Variants in THSD4 observed in about 807,000 individuals in gnomAD.
THSD4 encodes thrombospondin type-1 domain-containing protein 4.
Under a neutral mutation model 119.0 loss-of-function variants are expected in THSD4, and 69 were observed. The observed-to-expected ratio is 0.58, with a 90% CI of 0.48 to 0.71. THSD4 has a LOEUF of 0.71. Ranked by LOEUF, THSD4 falls within the 30% of genes least tolerant of loss-of-function variation. The probability of loss-of-function intolerance (pLI) is 0.00; values close to 1 mark genes in which losing one functional copy is unlikely to be tolerated. For missense variants in THSD4, 1,393 were observed against 1,391.1 expected, an observed-to-expected ratio of 1.00 and a Z score of -0.02; for synonymous variants, 524 against 540.4, an observed-to-expected ratio of 0.97 and a Z score of 0.42.
At chr15:71,247,960 A>C (rs1312466543) in intron 5 of THSD4, among the ~76,000 whole-genome samples, 1 of 152,218 alleles carries the variant, frequency 6.6e-6, no homozygotes, top group African/African-American at 2.4e-5. Context: ...GCAGTTGAAA[A>C]AGAACAACAA....
In THSD4 at chr15:71,239,880, G is replaced by A. The variant is rs1477426666; in HGVS notation, c.465-2769G>A. Reference sequence around the variant, plus strand: ...CTGACCAGCTGTAAGGAAAACAAACGTTCTCCTGGCCAAGCCAGAATGAAT... The same window carrying A: ...CTGACCAGCTGTAAGGAAAACAAACATTCTCCTGGCCAAGCCAGAATGAAT... On this transcript the variant is annotated intron_variant, in intron 4 of 17. Coordinates refer to ENST00000261862, the MANE Select transcript of THSD4 (RefSeq NM_024817.3). 5.3e-5 allele frequency among the ~76,000 whole-genome samples: 8 copies of A among 152,214 alleles called. No homozygotes were observed. The South Asian group carries it at 8.3e-4, about 16-fold the overall frequency.
At chr15:71,355,225 A>G (rs1044733043) in intron 6 of THSD4, among the ~76,000 whole-genome samples, 2 of 152,342 alleles carry the variant, frequency 1.3e-5, no homozygotes, top group South Asian at 2.1e-4. Flanking sequence ...ACCACATGCA[A>G]TAAAAGACTG....
In THSD4 at chr15:71,299,655, CAT is replaced by C. The variant is rs1358946122; in HGVS notation, c.1015+42945_1015+42946del. Among the ~76,000 whole-genome samples the C allele has an allele frequency of 3.3e-5, 5 of 152,156 alleles. No homozygotes were observed. In the East Asian group the frequency reaches 7.7e-4, roughly 23 times the overall value. On this transcript the variant is annotated intron_variant, in intron 6 of 17. Transcript: ENST00000261862. Reference sequence around the variant, plus strand: ...ACAGCATCATGACTACAGTTAATAACATATATTTCAAAATTACTAAAAGAGTA... The same window carrying C: ...ACAGCATCATGACTACAGTTAATAACATATTTCAAAATTACTAAAAGAGTA...
At chr15:71,430,698 A>T (rs2140531848) in intron 7 of THSD4, among the ~76,000 whole-genome samples, 1 of 136,384 alleles carries the variant, frequency 7.3e-6, no homozygotes, top group East Asian at 2.4e-4. Flanking sequence ...TGGAGGTTGC[A>T]GTGAGCCGAG....
intron 6 of THSD4, among the ~76,000 whole-genome samples, chr15:71,345,724 T>C (rs2045647913): frequency 1.3e-5 from 2 of 152,218 alleles, no homozygotes; most frequent in African/African-American, 4.8e-5. Context: ...AGAACATCTT[T>C]CTAAGATGCC....
chr15:71,415,688 T>C (rs1446197346), intron 7 of THSD4, among the ~76,000 whole-genome samples: 1 of 152,184 alleles, frequency 6.6e-6, no homozygotes, highest in African/African-American at 2.4e-5. Flanking sequence ...AACCCCCAAC[T>C]ACCCTTCCCA....
At chr15:71,426,750 CT>C (rs781274713) in intron 7 of THSD4, among the ~76,000 whole-genome samples, 39 of 152,224 alleles carry the variant, frequency 2.6e-4, no homozygotes, top group East Asian at 1.9e-3. Context: ...AAAGTACTTT[CT>C]GCTTGTGACT....
At chr15:71,163,730 G>A (rs1385566281) in intron 3 of THSD4, among the ~76,000 whole-genome samples, 4 of 150,512 alleles carry the variant, frequency 2.7e-5, no homozygotes, top group Non-Finnish European at 4.4e-5. Context: ...GGAAAGTCTC[G>A]TTTCCTGAGC....
chr15:71,700,374 CAATA>C (rs1567108169), intron 8 of THSD4, among the ~76,000 whole-genome samples: 1 of 151,928 alleles, frequency 6.6e-6, no homozygotes, highest in Non-Finnish European at 1.5e-5. Context: ...ATAAATGAAA[CAATA>C]AATGTACAAG....
intron 8 of THSD4, among the ~76,000 whole-genome samples, chr15:71,697,820 A>G (rs1214254349): frequency 6.6e-6 from 1 of 152,218 alleles, no homozygotes; most frequent in Non-Finnish European, 1.5e-5. Flanking sequence ...TCCAGTTACA[A>G]AATATAAATT....
intron 1 of THSD4, among the ~76,000 whole-genome samples, chr15:71,122,228 A>G (rs1368499094): frequency 6.6e-6 from 1 of 152,128 alleles, no homozygotes; most frequent in African/African-American, 2.4e-5. Context: ...CGTGTCAGGT[A>G]CTGGGATTTA....
chr15:71,565,187 A>C (rs2049210270), intron 7 of THSD4, among the ~76,000 whole-genome samples: 1 of 152,238 alleles, frequency 6.6e-6, no homozygotes. Context: ...GACCCAGTGG[A>C]GATAAATGTG....
intron 3 of THSD4, among the ~76,000 whole-genome samples, chr15:71,192,884 G>A (rs1430585380): frequency 6.6e-6 from 1 of 152,146 alleles, no homozygotes; most frequent in Non-Finnish European, 1.5e-5. Context: ...CCTCTGCACA[G>A]CTGTAATCTC....
intron 7 of THSD4, among the ~76,000 whole-genome samples, chr15:71,530,118 T>C (rs1052839647): frequency 2.0e-5 from 3 of 151,844 alleles, no homozygotes; most frequent in Admixed American, 6.6e-5. Flanking sequence ...CTTCTAATCC[T>C]TTTTATTGGG....
chr15:71,359,957 C>T (rs570302517), intron 6 of THSD4, among the ~76,000 whole-genome samples: 1 of 152,312 alleles, frequency 6.6e-6, no homozygotes, highest in South Asian at 2.1e-4. Flanking sequence ...CTGTCTATTG[C>T]TGTATAACAG....
chr15:71,189,925 C>G (rs562202475), intron 3 of THSD4, among the ~76,000 whole-genome samples: 2 of 152,146 alleles, frequency 1.3e-5, no homozygotes, highest in Non-Finnish European at 2.9e-5. Flanking sequence ...AGAACTGCTG[C>G]GGGAGAGGCT....
At chr15:71,619,481 T>G (rs1243398257) in intron 7 of THSD4, among the ~76,000 whole-genome samples, 1 of 152,154 alleles carries the variant, frequency 6.6e-6, no homozygotes, top group Non-Finnish European at 1.5e-5. Flanking sequence ...GAGAGTTACG[T>G]TTGAGCAAAT....
intron 6 of THSD4, among the ~76,000 whole-genome samples, chr15:71,330,598 A>G (rs1386684051): frequency 1.3e-5 from 2 of 152,178 alleles, no homozygotes; most frequent in Non-Finnish European, 2.9e-5. Context: ...TGAGGATTAG[A>G]TGACATAAGG....
In THSD4 at chr15:71,325,937, G is replaced by A. The variant is rs552886401; in HGVS notation, c.1015+69222G>A. ...GGAACTTTTTTTTCCTCACCCCTGA[G>A]TAATTCTAATAATATGCATGTAAAA... On this transcript the variant is annotated intron_variant, in intron 6 of 17. Coordinates refer to ENST00000261862, the MANE Select transcript of THSD4 (RefSeq NM_024817.3). 2.0e-5 allele frequency among the ~76,000 whole-genome samples: 3 copies of A among 152,276 alleles called. No homozygotes were observed. The South Asian group carries it at 6.2e-4, about 32-fold the overall frequency.
Sources: gnomAD v4.1 joint callset for allele counts (sites outside exome capture counted in the v4.1 genomes callset) on GRCh38, gnomAD v4.1.1 for gene constraint, MANE v1.5 for transcripts, NCBI Gene and HGNC (gene_info 2026-07-23, HGNC 2026-07-21) for gene names.